Variants in SVIL observed in about 807,000 individuals in gnomAD.
SVIL encodes archvillin.
In SVIL, 101 loss-of-function variants were observed where a neutral mutation model predicts 240.4. The ratio of observed to expected loss-of-function variants is 0.42; its 90% CI spans 0.36 to 0.50. The LOEUF (loss-of-function observed/expected upper bound fraction) is 0.50, where lower values mean the gene tolerates loss of function less well. Ranked by LOEUF, SVIL falls within the 20% of genes least tolerant of loss-of-function variation. The probability of loss-of-function intolerance (pLI) is 0.01; values close to 1 mark genes in which losing one functional copy is unlikely to be tolerated. For missense variants in SVIL, 2,512 were observed against 2,818.7 expected (o/e 0.89, Z 2.46); for synonymous variants, 999 against 1,100.0 (o/e 0.91, Z 1.82).
At chr10:29,641,936 G>A (rs1958498318) in intron 3 of SVIL, among the ~76,000 whole-genome samples, 1 of 152,152 alleles carries the variant, frequency 6.6e-6, no homozygotes, top group Non-Finnish European at 1.5e-5. Context: ...CCAGCCTGTT[G>A]GGTACATTCC....
chr10:29,671,272 T>C (rs1257894737), intron 2 of SVIL, among the ~76,000 whole-genome samples: 2 of 152,216 alleles, frequency 1.3e-5, no homozygotes, highest in African/African-American at 4.8e-5. Context: ...AAATCTCCTC[T>C]TAGTCACGTA....
intron 1 of SVIL, among the ~76,000 whole-genome samples, chr10:29,611,196 T>C (rs1024863533): frequency 6.6e-6 from 1 of 152,136 alleles, no homozygotes; most frequent in Admixed American, 6.5e-5. Context: ...CTGCCTTGCC[T>C]ATATCCCTGT....
At chr10:29,666,334 G>T (rs1959289546) in intron 2 of SVIL, among the ~76,000 whole-genome samples, 1 of 152,314 alleles carries the variant, frequency 6.6e-6, no homozygotes, top group South Asian at 2.1e-4. Flanking sequence ...GTATCTCCAA[G>T]ATAAATCTAT....
rs180848535 is a variant in SVIL at position 29,470,653 on chromosome 10, G to A, written c.5636-170C>T. On this transcript the variant is annotated intron_variant, in intron 31 of 37. Coordinates refer to ENST00000355867, the MANE Select transcript of SVIL (RefSeq NM_021738.3). ...TGCACAGGGAGCCCTGTGGAGCACT[G>A]AGGCATCAGGCCTTCCTGCCAGCCT... 1.2e-3 allele frequency among the ~76,000 whole-genome samples: 182 copies of A among 152,298 alleles called. 1 individual carries two copies. Among genetic ancestry groups the A allele is most frequent in the Non-Finnish European group, 1.5e-5 (1 of 68,020 alleles).
At chr10:29,725,268 G>C (rs11007715) in intron 1 of SVIL, among the ~76,000 whole-genome samples, 3 of 151,920 alleles carry the variant, frequency 2.0e-5, no homozygotes, top group East Asian at 1.9e-4. Context: ...TGTCCTCAAG[G>C]GTTCCTTTTG....
chr10:29,731,573 T>G (rs1425681160), intron 1 of SVIL, among the ~76,000 whole-genome samples: 1 of 152,222 alleles, frequency 6.6e-6, no homozygotes, highest in Non-Finnish European at 1.5e-5. Context: ...ATCCATTCCT[T>G]TGTTAGGCAA....
At chr10:29,637,296 T>C (rs891493004), upstream of SVIL, among the ~76,000 whole-genome samples, 9 of 151,992 alleles carry the variant, frequency 5.9e-5, no homozygotes, top group Non-Finnish European at 1.0e-4. Context: ...ACCAGCCTAA[T>C]GAACATGGTG....
chr10:29,517,984 A>G (rs1950323763), intron 16 of SVIL, among the ~76,000 whole-genome samples: 1 of 152,254 alleles, frequency 6.6e-6, no homozygotes, highest in Non-Finnish European at 1.5e-5. Context: ...TCATTTGGAC[A>G]GTCAGAAAAT....
chr10:29,659,136 A>G (rs1407055950), intron 2 of SVIL, among the ~76,000 whole-genome samples: 1 of 152,112 alleles, frequency 6.6e-6, no homozygotes, highest in Non-Finnish European at 1.5e-5. Flanking sequence ...ATGAAAGATG[A>G]CTCACAAGGT....
chr10:29,565,304 C>T (rs1309686964), intron 2 of SVIL, among the ~76,000 whole-genome samples: 1 of 152,214 alleles, frequency 6.6e-6, no homozygotes, highest in Non-Finnish European at 1.5e-5. Context: ...CGAGTCATCA[C>T]CGGACACTCC....
chr10:29,630,602 A>C (rs972995020), intron 1 of SVIL, among the ~76,000 whole-genome samples: 1 of 152,140 alleles, frequency 6.6e-6, no homozygotes, highest in Non-Finnish European at 1.5e-5. Context: ...TTTTAGGCAA[A>C]GTTCCAATAA....
chr10:29,460,460 T>C (rs1040510706), intron 36 of SVIL, among the ~76,000 whole-genome samples: 4 of 152,204 alleles, frequency 2.6e-5, no homozygotes, highest in Non-Finnish European at 5.9e-5. Flanking sequence ...TGGTGAGTTA[T>C]ATCCTTCTGA....
At chr10:29,525,633 T>C (rs991958633) in intron 13 of SVIL, among the ~76,000 whole-genome samples, 1 of 152,032 alleles carries the variant, frequency 6.6e-6, no homozygotes, top group Non-Finnish European at 1.5e-5. Flanking sequence ...AATCAGTAAA[T>C]AAATAAATAG....
chr10:29,629,975 C>A (rs1452586110), intron 1 of SVIL, among the ~76,000 whole-genome samples: 1 of 130,322 alleles, frequency 7.7e-6, no homozygotes, highest in Non-Finnish European at 1.8e-5. Flanking sequence ...GCAAGACTGT[C>A]TCAAAAAATA....
intron 2 of SVIL, among the ~76,000 whole-genome samples, chr10:29,682,998 A>G (rs976580994): frequency 1.3e-5 from 2 of 152,234 alleles, no homozygotes; most frequent in African/African-American, 4.8e-5. Flanking sequence ...GCCAAATATG[A>G]GTGGCCAAGG....
At position 29,634,748 on chromosome 10, in the gene SVIL, GAT is replaced by G. The variant is rs1958244382; in HGVS notation, c.-531_-530del. ...ATGGTGTTTTCCAAAAGGCTTTTTGGATGTCAAATTCAGGAAACAGGTAAAGG... is the reference window on the plus strand; with the variant it reads ...ATGGTGTTTTCCAAAAGGCTTTTTGGGTCAAATTCAGGAAACAGGTAAAGG... On this transcript the variant is annotated 5_prime_UTR_variant, in exon 1 of 38. Transcript: ENST00000355867. The G allele has an allele frequency of 6.6e-6, 1 of 152,190 alleles. No individual in the cohort carries two copies. Among genetic ancestry groups the G allele is most frequent in the Admixed American group, 6.5e-5 (1 of 15,278 alleles). 9.4% of individuals were successfully genotyped at this position (152,190 alleles called of 1,614,324 possible). A position where few individuals can be genotyped will look rare whatever the true frequency, so the allele number is the denominator to read the frequency against.
At chr10:29,459,787 G>A (rs552214829) in intron 36 of SVIL, among the ~76,000 whole-genome samples, 1 of 152,184 alleles carries the variant, frequency 6.6e-6, no homozygotes, top group Non-Finnish European at 1.5e-5. Context: ...GGAACAGACT[G>A]GTGGTCAAGA....
chr10:29,482,779 G>A (rs1163488557), intron 27 of SVIL: 1 of 152,274 alleles, frequency 6.6e-6, no homozygotes, highest in Non-Finnish European at 1.5e-5. Flanking sequence ...GAAGATACAC[G>A]TGCTGCAGAG....
rs1953163353 is a variant in SVIL, at chr10:29,550,246, G to C, written c.827+351C>G. Among the ~76,000 whole-genome samples the C allele has an allele frequency of 4.1e-5, 6 of 147,574 alleles. No homozygotes were observed. In the South Asian group the frequency reaches 1.1e-3, roughly 27 times the overall value. ...GTGGCCAGGAATTTGTGATCAGCCT[G>C]GGCAATGGAGGGAGACCCTGTCTCT... On this transcript the variant is annotated intron_variant, in intron 6 of 37. Transcript: ENST00000355867.
Sources: allele counts gnomAD v4.1 joint callset (sites outside exome capture counted in the v4.1 genomes callset), GRCh38; gene constraint gnomAD v4.1.1; transcripts MANE v1.5; gene names NCBI Gene and HGNC (gene_info 2026-07-23, HGNC 2026-07-21).